PDZD2: variants seen among roughly 807,000 people sequenced by gnomAD.
PDZD2 encodes PDZ domain-containing protein 2.
A neutral mutation model predicts 220.7 loss-of-function variants in PDZD2; 90 were observed. That is an observed-to-expected ratio of 0.41 (90% CI 0.34 to 0.49). The LOEUF is 0.49. PDZD2 is among the 20% of genes least tolerant of loss of function. The pLI is 0.28. For synonymous variants in PDZD2, 1,375 were observed against 1,450.5 expected (o/e 0.95, Z 1.18); for missense variants, 3,174 against 3,608.5 (o/e 0.88, Z 3.08).
intron 2 of PDZD2, among the ~76,000 whole-genome samples, chr5:31,906,380 T>G (rs1438013055): frequency 6.6e-6 from 1 of 151,094 alleles, no homozygotes; most frequent in East Asian, 2.0e-4. Flanking sequence ...ACCTCAGTTT[T>G]TGTATTTTTG....
chr5:32,000,397 G>A lies in PDZD2; in HGVS notation c.1254+126G>A. ...ACTTGTACGTTTGCCTTGGGCTATT[G>A]AAACAGCCTTGCTTCCACAGGGCAA... is the stretch of plus-strand genomic sequence containing the variant. On this transcript the variant is annotated intron_variant, in intron 5 of 24. Coordinates refer to ENST00000438447, the MANE Select transcript of PDZD2 (RefSeq NM_178140.4). This position sits in a 1 kb window ranked among gnomAD's most constrained non-coding sequence, Gnocchi z 4.5. The A allele has an allele frequency of 1.0e-6, 1 of 1,001,778 alleles. No individual in the cohort carries two copies. Among genetic ancestry groups the A allele is most frequent in the Admixed American group, 1.8e-5 (1 of 54,376 alleles). 62.1% of individuals were successfully genotyped at this position (1,001,778 alleles called of 1,614,324 possible).
rs947584562 is a variant in PDZD2 at position 32,000,461 on chromosome 5, C to T, written c.1254+190C>T. On this transcript the variant is annotated intron_variant, in intron 5 of 24. Coordinates refer to ENST00000438447, the MANE Select transcript of PDZD2 (RefSeq NM_178140.4). This position sits in a 1 kb window ranked among gnomAD's most constrained non-coding sequence, Gnocchi z 4.5. ...CCCTTAGCTGAAGTGCAGTTAGTTA[C>T]TTGGCTTTCCTTAAGAAGTTTGTTT... 5.3e-5 allele frequency among the ~76,000 whole-genome samples: 8 copies of T among 152,084 alleles called. No individual in the cohort carries two copies. Among genetic ancestry groups the T allele is most frequent in the Non-Finnish European group, 1.0e-4 (7 of 68,024 alleles).
chr5:31,859,932 T>G (rs184171711), intron 2 of PDZD2, among the ~76,000 whole-genome samples: 304 of 152,268 alleles, frequency 2.0e-3, no homozygotes, highest in African/African-American at 6.9e-3. Context: ...TTAAAAGCTC[T>G]CAGGTGATTG....
At chr5:31,973,556 A>C (rs1749492342) in intron 2 of PDZD2, among the ~76,000 whole-genome samples, 2 of 152,236 alleles carry the variant, frequency 1.3e-5, no homozygotes, top group South Asian at 2.1e-4. Flanking sequence ...GGTGGAATTT[A>C]ACCAGGGAAA....
intron 2 of PDZD2, among the ~76,000 whole-genome samples, chr5:31,942,585 T>C (rs967030800): frequency 2.0e-5 from 3 of 152,214 alleles, no homozygotes; most frequent in Admixed American, 6.5e-5. Context: ...TCCTCCCGCC[T>C]CAGCTTCGCA....
At chr5:31,675,269 G>C (rs547333729) in intron 1 of PDZD2, among the ~76,000 whole-genome samples, 46 of 152,284 alleles carry the variant, frequency 3.0e-4, no homozygotes, top group Admixed American at 7.2e-4. Context: ...CCCAAAGCTG[G>C]TAGGCTCGTG....
chr5:31,984,367 TA>T (rs1336616984), intron 3 of PDZD2, among the ~76,000 whole-genome samples: 2 of 152,308 alleles, frequency 1.3e-5, no homozygotes, highest in East Asian at 3.9e-4. Context: ...CATTCTGTCC[TA>T]TGAGAATTGC....
At chr5:31,725,133 C>G (rs1427340336) in intron 1 of PDZD2, among the ~76,000 whole-genome samples, 1 of 151,824 alleles carries the variant, frequency 6.6e-6, no homozygotes, top group Non-Finnish European at 1.5e-5. Context: ...GAGTTCGAGA[C>G]CAGCCTGACC....
intron 2 of PDZD2, among the ~76,000 whole-genome samples, chr5:31,827,691 C>CA (rs1322463109): frequency 8.9e-4 from 39 of 43,734 alleles, no homozygotes; most frequent in African/African-American, 2.8e-3. Flanking sequence ...GACTCTGTCT[C>CA]AAAAAAAATA....
chr5:31,756,512 C>T (rs776234170), intron 1 of PDZD2, among the ~76,000 whole-genome samples: 1 of 152,216 alleles, frequency 6.6e-6, no homozygotes, highest in African/African-American at 2.4e-5. Context: ...CCTGTGGCCA[C>T]TGTGGGCCTG....
intron 1 of PDZD2, among the ~76,000 whole-genome samples, chr5:31,751,757 G>A (rs535299569): frequency 6.6e-6 from 1 of 152,254 alleles, no homozygotes; most frequent in South Asian, 2.1e-4. Flanking sequence ...CCTGGGAGAG[G>A]TGGTTTGGGT....
In PDZD2 at chr5:32,035,499, G is replaced by T. The variant is rs1057324450; in HGVS notation, c.1408-1732G>T. On this transcript the variant is annotated intron_variant, in intron 6 of 24. Transcript: ENST00000438447. ...TGGTCTTGAACTCCTGACCTCAGGT[G>T]AATTTTTTTTTAAGAGAAAGAAAGG... Among the ~76,000 whole-genome samples, 5 of 151,550 alleles carry T rather than the reference G, an allele frequency of 3.3e-5. No individual in the cohort carries two copies. The South Asian group carries it at 6.2e-4, about 19-fold the overall frequency.
intron 2 of PDZD2, among the ~76,000 whole-genome samples, chr5:31,803,391 C>T (rs1754521030): frequency 6.6e-6 from 1 of 150,480 alleles, no homozygotes; most frequent in South Asian, 2.1e-4. Flanking sequence ...GTGTGAGTCA[C>T]TGCACCCATG....
intron 6 of PDZD2, among the ~76,000 whole-genome samples, chr5:32,020,640 ATCTTTTTTTTTT>A (rs986593076): frequency 1.3e-5 from 1 of 77,214 alleles, no homozygotes; most frequent in African/African-American, 5.0e-5. Context: ...TGACAAAATG[ATCTTTTTTTTTT>A]TCTTTTTTTT....
chr5:32,038,357 G>A (rs187653305), intron 7 of PDZD2, among the ~76,000 whole-genome samples: 10 of 151,216 alleles, frequency 6.6e-5, no homozygotes, highest in East Asian at 2.0e-4. Context: ...GTGAAACCCC[G>A]TCTCTACTAA....
intron 2 of PDZD2, among the ~76,000 whole-genome samples, chr5:31,810,759 G>C (rs1024748719): frequency 2.6e-5 from 4 of 152,222 alleles, no homozygotes; most frequent in African/African-American, 9.6e-5. Flanking sequence ...TCTGGTGTTG[G>C]AGGGCACCAA....
At chr5:31,921,720 A>G (rs1279864337) in intron 2 of PDZD2, among the ~76,000 whole-genome samples, 1 of 152,080 alleles carries the variant, frequency 6.6e-6, no homozygotes, top group Admixed American at 6.6e-5. Context: ...GAAGCTCTTG[A>G]GCCGAATATC....
chr5:31,975,519 G>C (rs1749670766), intron 2 of PDZD2, among the ~76,000 whole-genome samples: 1 of 152,194 alleles, frequency 6.6e-6, no homozygotes, highest in African/African-American at 2.4e-5. Context: ...CTAGATTCCA[G>C]ATAAGGGAGA....
At chr5:31,756,794 T>G (rs1458183910) in intron 1 of PDZD2, among the ~76,000 whole-genome samples, 1 of 152,230 alleles carries the variant, frequency 6.6e-6, no homozygotes, top group East Asian at 1.9e-4. Context: ...AAGGCCCAAT[T>G]TCTTCTAAGT....
Sources: gnomAD v4.1 joint callset for allele counts (sites outside exome capture counted in the v4.1 genomes callset) on GRCh38, gnomAD v4.1.1 for gene constraint, Gnocchi (gnomAD v3.1) non-coding constraint, MANE v1.5 for transcripts, NCBI Gene and HGNC (gene_info 2026-07-23, HGNC 2026-07-21) for gene names.